Variants in TTLL5 observed in about 807,000 individuals in gnomAD.
The protein encoded by TTLL5 is tubulin tyrosine ligase like 5.
TTLL5 carries 132 observed loss-of-function variants against 168.4 expected under a neutral mutation model. The observed-to-expected ratio is 0.78, with a 90% confidence interval of 0.68 to 0.91. The LOEUF (loss-of-function observed/expected upper bound fraction) is 0.91. Among genes scored for constraint, TTLL5 ranks in the 40% least tolerant of loss-of-function variants. The pLI, the probability that TTLL5 is intolerant of heterozygous loss-of-function variation, is 0.00. For missense variants in TTLL5, 1,545 were observed against 1,581.5 expected, an observed-to-expected ratio of 0.98 and a Z score of 0.39; for synonymous variants, 546 against 558.6, an observed-to-expected ratio of 0.98 and a Z score of 0.32.
intron 27 of TTLL5, among the ~76,000 whole-genome samples, chr14:75,799,606 C>T (rs771980924): frequency 1.3e-5 from 2 of 152,204 alleles, no homozygotes; most frequent in East Asian, 1.9e-4. Context: ...TGGTGTATTT[C>T]GAGGTTTTGT....
At chr14:75,806,252 A>G (rs754065870) in intron 27 of TTLL5, among the ~76,000 whole-genome samples, 3 of 152,116 alleles carry the variant, frequency 2.0e-5, no homozygotes, top group Non-Finnish European at 4.4e-5. Context: ...AGTGGTTTCA[A>G]ACTCCTGACC....
At chr14:75,807,793 CTTG>C (rs1185376015) in intron 27 of TTLL5, among the ~76,000 whole-genome samples, 1 of 152,182 alleles carries the variant, frequency 6.6e-6, no homozygotes, top group Non-Finnish European at 1.5e-5. Context: ...ACCCTGTGAG[CTTG>C]TTGTTCCATG....
chr14:75,943,166 G>T (rs2034665039), intron 31 of TTLL5, among the ~76,000 whole-genome samples: 1 of 152,180 alleles, frequency 6.6e-6, no homozygotes, highest in Non-Finnish European at 1.5e-5. Flanking sequence ...TAACATCGTT[G>T]TTCTGTATAC....
rs1054044849 is a variant in TTLL5 at position 75,779,564 on chromosome 14, C to A, written c.2388-11C>A. The A allele has an allele frequency of 3.7e-6, 6 of 1,610,510 alleles. No homozygotes were observed. Among genetic ancestry groups the A allele is most frequent in the Non-Finnish European group, 5.1e-6 (6 of 1,179,038 alleles). ...CTTCCTGTCTGACCATACTTTTTCT[C>A]CTCATTTCAGTGAGGCTGAACTGGA... is the stretch of plus-strand genomic sequence containing the variant. On this transcript the variant is annotated splice_polypyrimidine_tract_variant and intron_variant, in intron 23 of 31. Transcript: ENST00000298832.
intron 31 of TTLL5, among the ~76,000 whole-genome samples, chr14:75,925,258 G>T (rs1048186054): frequency 4.0e-5 from 6 of 151,488 alleles, no homozygotes; most frequent in African/African-American, 1.5e-4. Flanking sequence ...CCTCCCGGAC[G>T]GGGTGGCTGC....
Position 75,863,948 on chromosome 14 carries a change from GA to G in TTLL5, c.3522+89del, listed in dbSNP as rs2030280636. The G allele has an allele frequency of 2.6e-6, 3 of 1,172,044 alleles. No individual in the cohort carries two copies. The African/African-American group carries it at 6.4e-5, about 25-fold the overall frequency. 72.6% of individuals were successfully genotyped at this position (1,172,044 alleles called of 1,614,324 possible). On this transcript the variant is annotated intron_variant, in intron 29 of 31. Coordinates refer to ENST00000298832, the MANE Select transcript of TTLL5 (RefSeq NM_015072.5). ...AAAAAAAAAAAAGGTCAGTGAATGA[GA>G]AATGTAGGATTAGTTTTCCAACCCC... is the stretch of plus-strand genomic sequence containing the variant.
chr14:75,758,296 A>G (rs1281945839), intron 18 of TTLL5, among the ~76,000 whole-genome samples: 1 of 152,200 alleles, frequency 6.6e-6, no homozygotes, highest in African/African-American at 2.4e-5. Flanking sequence ...ATTTAGGCAG[A>G]GAGCCCTTTA....
intron 27 of TTLL5, among the ~76,000 whole-genome samples, chr14:75,818,791 G>A (rs551140767): frequency 1.3e-5 from 2 of 151,782 alleles, no homozygotes; most frequent in South Asian, 2.1e-4. Flanking sequence ...GAGCCACCAC[G>A]CCCGGACTAT....
At chr14:75,905,225 C>T (rs2033095192) in intron 31 of TTLL5, among the ~76,000 whole-genome samples, 1 of 152,176 alleles carries the variant, frequency 6.6e-6, no homozygotes, top group Non-Finnish European at 1.5e-5. Context: ...GGTATTTAGC[C>T]CATCTGGTCC....
In TTLL5 at chr14:75,720,715, C is replaced by G; in HGVS notation, c.1042+12C>G. 6.2e-7 allele frequency: 1 copy of G among 1,603,986 alleles called. No homozygotes were observed. The highest frequency in any genetic ancestry group is 8.5e-7 in the Non-Finnish European group (1 of 1,170,966). The stretch of plus-strand genomic sequence containing the variant: ...CAGCAGTTGTTTTGGTAAGGAGACT[C>G]AAGAAGCTTAACATGTTTTGTGAAG... On this transcript the variant is annotated intron_variant, in intron 12 of 31. Coordinates refer to ENST00000298832, the MANE Select transcript of TTLL5 (RefSeq NM_015072.5).
At chr14:75,686,210 C>T (rs1885035425) in intron 5 of TTLL5, among the ~76,000 whole-genome samples, 1 of 152,128 alleles carries the variant, frequency 6.6e-6, no homozygotes, top group African/African-American at 2.4e-5. Context: ...TCAATGAGTC[C>T]AGTCGAGGCT....
At chr14:75,829,643 G>T (rs1895451964) in intron 28 of TTLL5, among the ~76,000 whole-genome samples, 1 of 150,648 alleles carries the variant, frequency 6.6e-6, no homozygotes, top group Non-Finnish European at 1.5e-5. Context: ...ATTCAAAAAA[G>T]ATACTAAAGA....
chr14:75,747,385 G>A (rs192473241), intron 17 of TTLL5, among the ~76,000 whole-genome samples: 361 of 151,678 alleles, frequency 2.4e-3, no homozygotes, highest in Non-Finnish European at 4.3e-3. Flanking sequence ...GTCATTTTGG[G>A]GTCTGTTTCT....
intron 31 of TTLL5, among the ~76,000 whole-genome samples, chr14:75,919,194 T>A (rs1197985962): frequency 4.1e-4 from 5 of 12,098 alleles, no homozygotes; most frequent in East Asian, 1.4e-3. Context: ...AGCAAGACCG[T>A]CTCAAAAAAA....
intron 20 of TTLL5, among the ~76,000 whole-genome samples, chr14:75,768,455 G>A (rs776382492): frequency 2.0e-5 from 3 of 151,942 alleles, no homozygotes; most frequent in Admixed American, 6.6e-5. Flanking sequence ...AGGAAGGTAA[G>A]AATGCATCAG....
At chr14:75,941,637 A>G (rs866639141) in intron 31 of TTLL5, 2 of 151,952 alleles carry the variant, frequency 1.3e-5, no homozygotes, top group East Asian at 1.9e-4. Context: ...TATTTGTCCC[A>G]TTTTCCAGAT....
intron 9 of TTLL5, chr14:75,712,264 T>C (rs924337304): frequency 2.6e-5 from 4 of 151,942 alleles, no homozygotes; most frequent in African/African-American, 9.7e-5. Context: ...CCTGAGGTGC[T>C]GTCTCTTCAT....
intron 26 of TTLL5, among the ~76,000 whole-genome samples, chr14:75,791,738 C>T (rs1430919963): frequency 6.6e-6 from 1 of 151,732 alleles, no homozygotes; most frequent in East Asian, 1.9e-4. Flanking sequence ...ATATAGTAAA[C>T]GTGAAAAAGT....
chr14:75,675,228 A>T (rs1054011762), intron 3 of TTLL5, among the ~76,000 whole-genome samples: 4 of 152,194 alleles, frequency 2.6e-5, no homozygotes, highest in African/African-American at 9.7e-5. Context: ...ATTCTAGGTA[A>T]CCTAATTTTC....
Sources: gnomAD v4.1 joint callset for allele counts (sites outside exome capture counted in the v4.1 genomes callset) on GRCh38, gnomAD v4.1.1 for gene constraint, MANE v1.5 for transcripts, NCBI Gene and HGNC (gene_info 2026-07-23, HGNC 2026-07-21) for gene names.